HEPH: variants seen among roughly 807,000 people sequenced by gnomAD.
HEPH encodes hephaestin.
In HEPH, 69 loss-of-function variants were observed where a neutral mutation model predicts 80.8. That is an observed-to-expected ratio of 0.85 (90% CI 0.70 to 1.04). The LOEUF (loss-of-function observed/expected upper bound fraction) is 1.04. HEPH is among the 50% of genes least tolerant of loss of function. HEPH has a pLI of 0.00. For synonymous variants in HEPH, 431 were observed against 322.8 expected (o/e 1.34, Z -3.60); for missense variants, 1,115 against 891.3 (o/e 1.25, Z -3.20).
At chrX:66,170,517 C>T (rs1353318351) in intron 1 of HEPH, 41 bp from the exon 2 acceptor site, 3 of 1,152,542 alleles carry the variant, frequency 2.6e-6, no homozygotes, top group Non-Finnish European at 3.5e-6. Flanking sequence ...CCTTTGTTCT[C>T]TTTCTTCTAC....
At chrX:66,202,919 A>G (rs1331561945) in intron 12 of HEPH, among the ~76,000 whole-genome samples, 1 of 101,242 alleles carries the variant, frequency 9.9e-6, no homozygotes, top group African/African-American at 3.7e-5. Flanking sequence ...GTGCATATAT[A>G]TATATATATA....
chrX:66,246,860 G>A (rs1327218411), intron 15 of HEPH, among the ~76,000 whole-genome samples: 1 of 112,095 alleles, frequency 8.9e-6, no homozygotes, highest in Non-Finnish European at 1.9e-5. Flanking sequence ...TCTTCTCTGT[G>A]AGAGTGGAGT....
At chrX:66,218,266 G>T (rs983319813) in intron 15 of HEPH, among the ~76,000 whole-genome samples, 7 of 111,784 alleles carry the variant, frequency 6.3e-5, no homozygotes, top group Non-Finnish European at 1.3e-4. Context: ...CTCCAAGATA[G>T]ACTATATGAT....
At chrX:66,213,386 CA>C (rs766037320) in intron 15 of HEPH, among the ~76,000 whole-genome samples, 2 of 111,533 alleles carry the variant, frequency 1.8e-5, no homozygotes, top group African/African-American at 6.5e-5. Context: ...TTCACAATAG[CA>C]AAGACTTGGA....
chrX:66,238,908 G>A (rs2090463245), intron 15 of HEPH, among the ~76,000 whole-genome samples: 1 of 112,493 alleles, frequency 8.9e-6, no homozygotes, highest in African/African-American at 3.2e-5. Context: ...GGGATGGGTT[G>A]GGCTAGTTAT....
intron 6 of HEPH, among the ~76,000 whole-genome samples, chrX:66,191,216 T>C (rs1018575931): frequency 4.7e-4 from 53 of 111,862 alleles, no homozygotes; most frequent in African/African-American, 1.7e-3. Context: ...TTATTTAACC[T>C]GTCTGACCTT....
At chrX:66,226,778 C>T (rs972893802) in intron 15 of HEPH, among the ~76,000 whole-genome samples, 6 of 111,316 alleles carry the variant, frequency 5.4e-5, no homozygotes, top group African/African-American at 2.0e-4. Context: ...CAGCAAGCAA[C>T]GAGATTGAAA....
intron 15 of HEPH, among the ~76,000 whole-genome samples, chrX:66,239,811 T>A (rs1482372538): frequency 8.9e-6 from 1 of 112,278 alleles, no homozygotes; most frequent in Non-Finnish European, 1.9e-5. Context: ...GAGTCATATA[T>A]CTACCATAAC....
intron 15 of HEPH, among the ~76,000 whole-genome samples, chrX:66,228,008 G>T (rs777352545): frequency 2.7e-5 from 3 of 111,150 alleles, no homozygotes; most frequent in Middle Eastern, 4.6e-3. Flanking sequence ...CACTGTATTG[G>T]TCCATTTTCC....
intron 9 of HEPH, among the ~76,000 whole-genome samples, chrX:66,196,435 G>T (rs985803776): frequency 8.9e-6 from 1 of 111,886 alleles, no homozygotes; most frequent in Non-Finnish European, 1.9e-5. Flanking sequence ...GAATGAATAA[G>T]GAAAGGTAGG....
chrX:66,241,649 A>G (rs2090588224), intron 15 of HEPH, among the ~76,000 whole-genome samples: 1 of 111,824 alleles, frequency 8.9e-6, no homozygotes, highest in Admixed American at 9.5e-5. Flanking sequence ...AGATAACCAA[A>G]CAATAATAGT....
intron 19 of HEPH, 29 bp from the exon 20 acceptor site, chrX:66,263,615 A>T (rs1304151207): frequency 1.7e-6 from 2 of 1,205,908 alleles, no homozygotes; most frequent in Non-Finnish European, 2.2e-6. Context: ...CAATAAGGCT[A>T]ACCTCTTGTC....
chrX:66,231,048 G>T (rs1243516834), intron 15 of HEPH, among the ~76,000 whole-genome samples: 3 of 108,525 alleles, frequency 2.8e-5, no homozygotes, highest in Non-Finnish European at 1.9e-5. Flanking sequence ...TTTCCCCATT[G>T]CTTGTTTTTC....
At chrX:66,231,235 G>A (rs1381414787) in intron 15 of HEPH, among the ~76,000 whole-genome samples, 1 of 108,995 alleles carries the variant, frequency 9.2e-6, no homozygotes, top group African/African-American at 3.4e-5. Flanking sequence ...TGTTCTTTTG[G>A]CTTAGGATTG....
At chrX:66,206,556 A>T (rs1356326107) in intron 13 of HEPH, among the ~76,000 whole-genome samples, 2 of 104,986 alleles carry the variant, frequency 1.9e-5, no homozygotes, top group Non-Finnish European at 3.9e-5. Flanking sequence ...TAGTAGAGAT[A>T]GGGTTTTGCC....
At chrX:66,221,709 G>A (rs1347849484) in intron 15 of HEPH, among the ~76,000 whole-genome samples, 2 of 112,751 alleles carry the variant, frequency 1.8e-5, no homozygotes, top group African/African-American at 6.5e-5. Flanking sequence ...CCAGGGCTCG[G>A]GCTGACATGA....
chrX:66,192,240 GACTATGGC>G lies in HEPH; in HGVS notation c.1175_1182del (p.Asp392AlafsTer5), dbSNP rs1223130094. ...CATTGAGGCCCATGAGATTCAATGG[GACTATGGC>G]CCGATGGGGCATGATGGGAGTACTG... On this transcript the variant is annotated frameshift_variant, in exon 7 of 21. Coordinates refer to ENST00000343002, the MANE Select transcript of HEPH (RefSeq NM_001367233.3). LOFTEE classifies it high-confidence loss of function. 1 of 1,209,558 alleles carries G rather than the reference GACTATGGC, an allele frequency of 8.3e-7. No homozygotes were observed. The highest frequency in any genetic ancestry group is 1.1e-6 in the Non-Finnish European group (1 of 894,824).
intron 12 of HEPH, among the ~76,000 whole-genome samples, chrX:66,203,123 G>C (rs1213308948): frequency 1.8e-5 from 2 of 110,093 alleles, no homozygotes; most frequent in African/African-American, 6.6e-5. Context: ...TCTAGCGGCA[G>C]AGTTTAGTTT....
intron 15 of HEPH, among the ~76,000 whole-genome samples, chrX:66,219,120 G>C (rs765160686): frequency 2.3e-4 from 26 of 112,091 alleles, no homozygotes; most frequent in African/African-American, 7.8e-4. Flanking sequence ...TAGTACACTT[G>C]TGCCGAAGTA....
Sources: allele counts gnomAD v4.1 joint callset (sites outside exome capture counted in the v4.1 genomes callset), GRCh38; gene constraint gnomAD v4.1.1; transcripts MANE v1.5; gene names NCBI Gene and HGNC (gene_info 2026-07-23, HGNC 2026-07-21).